The following SLC35D4 variants were observed in gnomAD, a reference collection of about 807,000 sequenced individuals.
SLC35D4 encodes the protein UDP-N-acetylglucosamine transporter SLC35D4.
At chr18:23,358,121 G>C in the SLC35D4 span, among the ~76,000 whole-genome samples, 1 of 152,220 alleles carries the variant, frequency 6.6e-6, no homozygotes, top group African/African-American at 2.4e-5. Context: ...TGGAGGGAGA[G>C]TCTGTCCACG....
the SLC35D4 span, among the ~76,000 whole-genome samples, chr18:23,374,388 C>T: frequency 6.6e-6 from 1 of 151,904 alleles, no homozygotes; most frequent in Admixed American, 6.6e-5. Context: ...GTTCACAAAA[C>T]AACAGGCCTC....
chr18:23,317,502 A>AT, the SLC35D4 span, among the ~76,000 whole-genome samples: 1 of 152,126 alleles, frequency 6.6e-6, no homozygotes, highest in African/African-American at 2.4e-5. Flanking sequence ...GAGGGTTCCA[A>AT]TTTTTTTGTG....
chr18:23,381,374 C>T, the SLC35D4 span, among the ~76,000 whole-genome samples: 4 of 152,178 alleles, frequency 2.6e-5, no homozygotes, highest in East Asian at 5.8e-4. Flanking sequence ...CAGGGTCTCA[C>T]TGTTGCTCAG....
the SLC35D4 span, among the ~76,000 whole-genome samples, chr18:23,372,906 G>A: frequency 1.3e-4 from 20 of 149,710 alleles, no homozygotes; most frequent in South Asian, 6.3e-4. Flanking sequence ...AGAAAAGGAG[G>A]GAGAAAAAAA....
the SLC35D4 span, among the ~76,000 whole-genome samples, chr18:23,401,582 T>C: frequency 6.6e-6 from 1 of 152,310 alleles, no homozygotes; most frequent in African/African-American, 2.4e-5. Flanking sequence ...GGAGGCAGGA[T>C]ACAGGCCCAT....
At chr18:23,346,274 T>C in the SLC35D4 span, among the ~76,000 whole-genome samples, 4 of 152,142 alleles carry the variant, frequency 2.6e-5, no homozygotes, top group Non-Finnish European at 4.4e-5. Context: ...GCTGGGACCA[T>C]AGGCACATGC....
the SLC35D4 span, among the ~76,000 whole-genome samples, chr18:23,283,837 A>C: frequency 6.6e-6 from 1 of 152,104 alleles, no homozygotes; most frequent in Non-Finnish European, 1.5e-5. Flanking sequence ...AAGGAATAAA[A>C]GAATGGCTAC....
At chr18:23,363,438 G>A in the SLC35D4 span, among the ~76,000 whole-genome samples, 3,438 of 131,968 alleles carry the variant, frequency 0.026, 144 homozygotes, top group African/African-American at 0.091. Flanking sequence ...GCAGTGAGGC[G>A]ATCTCAGCTC....
chr18:23,337,002 AGTGTGTGTGTGT>A, the SLC35D4 span, among the ~76,000 whole-genome samples: 1 of 147,912 alleles, frequency 6.8e-6, no homozygotes, highest in African/African-American at 2.5e-5. Flanking sequence ...TTTCCCCTGT[AGTGTGTGTGTGT>A]GTGTGTGTGT....
chr18:23,293,923 C>T, the SLC35D4 span, among the ~76,000 whole-genome samples: 3 of 152,262 alleles, frequency 2.0e-5, no homozygotes, highest in African/African-American at 7.2e-5. Context: ...TCCTGAGTAG[C>T]TGGGACTTAC....
At chr18:23,414,038 T>C in the SLC35D4 span, among the ~76,000 whole-genome samples, 1 of 144,568 alleles carries the variant, frequency 6.9e-6, no homozygotes, top group African/African-American at 2.6e-5. Context: ...AGGTGGATCA[T>C]GAGGTCAGGA....
At chr18:23,377,579 A>G in the SLC35D4 span, 1 of 1,466,076 alleles carries the variant, frequency 6.8e-7, no homozygotes, top group Non-Finnish European at 9.2e-7. Context: ...TGAACAGTTT[A>G]TCATTCAAGT....
chr18:23,378,785 C>T, the SLC35D4 span, among the ~76,000 whole-genome samples: 1 of 152,196 alleles, frequency 6.6e-6, no homozygotes, highest in African/African-American at 2.4e-5. Flanking sequence ...ATTTTTGATG[C>T]TAGTTCAGGC....
At chr18:23,306,822 CTTCTT>C in the SLC35D4 span, among the ~76,000 whole-genome samples, 1 of 152,184 alleles carries the variant, frequency 6.6e-6, no homozygotes, top group Non-Finnish European at 1.5e-5. Context: ...TGGTCCTAGG[CTTCTT>C]TTCCTTTTTA....
At chr18:23,276,432 G>GTTTT in the SLC35D4 span, among the ~76,000 whole-genome samples, 2 of 138,862 alleles carry the variant, frequency 1.4e-5, no homozygotes, top group African/African-American at 5.3e-5. Context: ...CCAGAATTTT[G>GTTTT]TTTTTTTTTT....
the SLC35D4 span, among the ~76,000 whole-genome samples, chr18:23,286,970 C>T: frequency 6.6e-6 from 1 of 151,368 alleles, no homozygotes; most frequent in Non-Finnish European, 1.5e-5. Flanking sequence ...CCTCTACTCC[C>T]TCCTTGGCGA....
chr18:23,404,980 G>A, the SLC35D4 span, among the ~76,000 whole-genome samples: 8 of 111,288 alleles, frequency 7.2e-5, no homozygotes, highest in African/African-American at 2.5e-4. Flanking sequence ...GCAACAGAGC[G>A]AGACTCCGTC....
At chr18:23,423,436 C>T in the SLC35D4 span, among the ~76,000 whole-genome samples, 3 of 152,300 alleles carry the variant, frequency 2.0e-5, 1 homozygote, top group African/African-American at 7.2e-5. Context: ...GTTGTTACAA[C>T]CGGGGGAGAG....
At chr18:23,378,385 C>T in the SLC35D4 span, among the ~76,000 whole-genome samples, 1 of 151,954 alleles carries the variant, frequency 6.6e-6, no homozygotes, top group Non-Finnish European at 1.5e-5. Context: ...TTCACTAATC[C>T]AGCTGACTCA....
Sources: allele counts gnomAD v4.1 joint callset (sites outside exome capture counted in the v4.1 genomes callset), GRCh38; gene constraint gnomAD v4.1.1; transcripts MANE v1.5; gene names NCBI Gene and HGNC (gene_info 2026-07-23, HGNC 2026-07-21).